Variants in PRKCB observed in about 807,000 individuals in gnomAD.
The protein encoded by PRKCB is protein kinase C beta, also known as protein kinase C beta type.
A neutral mutation model predicts 81.5 loss-of-function variants in PRKCB; 13 were observed. The ratio of observed to expected loss-of-function variants is 0.16; its 90% CI spans 0.10 to 0.25. The LOEUF is 0.25. PRKCB is among the 10% of genes least tolerant of loss of function. The pLI is 1.00. For synonymous variants in PRKCB, 335 were observed against 321.4 expected, an observed-to-expected ratio of 1.04 and a Z score of -0.45; for missense variants, 509 against 875.7, an observed-to-expected ratio of 0.58 and a Z score of 5.29.
chr16:24,214,736 A>G lies in PRKCB; in HGVS notation c.1942A>G (p.Ile648Val). ...CCTAACACCTCCCGACCAGGAAGTC[A>G]TCAGGAATATTGACCAATCAGAATT... is the stretch of plus-strand genomic sequence containing the variant. The part of the protein sequence containing the change: ...PVLTPPDQEV[I>V]RNIDQSEFEG... Residue 648 changes from isoleucine to valine, a missense_variant, in exon 17 of 17, where the codon ATC (isoleucine) becomes GTC (valine). Around this residue, in one of 6 missense-constraint regions of PRKCB, gnomAD observed 104 missense variants for 160.5 expected, o/e 0.65. Transcript: ENST00000643927. The G allele has an allele frequency of 3.1e-6, 5 of 1,614,244 alleles. No individual in the cohort carries two copies. Among genetic ancestry groups the G allele is most frequent in the Non-Finnish European group, 4.2e-6 (5 of 1,180,034 alleles).
intron 8 of PRKCB, among the ~76,000 whole-genome samples, chr16:24,113,948 G>C (rs1966708081): frequency 6.6e-6 from 1 of 151,850 alleles, no homozygotes; most frequent in Admixed American, 6.6e-5. Context: ...CGGGTGCGGT[G>C]GCTCACACCT....
intron 2 of PRKCB, among the ~76,000 whole-genome samples, chr16:23,876,838 A>T (rs1027999985): frequency 6.6e-6 from 1 of 152,202 alleles, no homozygotes; most frequent in African/African-American, 2.4e-5. Context: ...TAACACTGGA[A>T]TTTTCTTTTT....
At chr16:24,189,718 C>T (rs547319700) in intron 15 of PRKCB, among the ~76,000 whole-genome samples, 1 of 150,940 alleles carries the variant, frequency 6.6e-6, no homozygotes, top group South Asian at 2.1e-4. Flanking sequence ...CTGGAGGATA[C>T]ACTTTATATG....
chr16:24,093,031 G>C (rs1966395897), intron 6 of PRKCB, 84 bp downstream of exon 6: 4 of 1,410,150 alleles, frequency 2.8e-6, no homozygotes, highest in Non-Finnish European at 3.8e-6. Context: ...TCCTCCCTTA[G>C]CTCCTGTTTC....
chr16:24,090,344 A>T (rs1567370618), intron 5 of PRKCB, among the ~76,000 whole-genome samples: 1 of 152,216 alleles, frequency 6.6e-6, no homozygotes, highest in Admixed American at 6.5e-5. Context: ...TGCTTCTCCC[A>T]TCTCATTTAT....
chr16:23,845,265 C>A (rs1329100008), intron 2 of PRKCB, among the ~76,000 whole-genome samples: 2 of 152,034 alleles, frequency 1.3e-5, no homozygotes, highest in East Asian at 3.9e-4. Context: ...TATTTAACCT[C>A]ATTTTTATTA....
rs1968258369 is a variant in PRKCB at position 24,218,024 on chromosome 16, TTCATTCCACAAATAA to T, written c.*3210_*3224del. The T allele has an allele frequency of 1.0e-6, 1 of 985,302 alleles. No individual in the cohort carries two copies. The highest frequency in any genetic ancestry group is 6.1e-5 in the Admixed American group (1 of 16,262). 61.0% of individuals were successfully genotyped at this position (985,302 alleles called of 1,614,324 possible). Reference sequence around the variant, plus strand: ...GATAGAGGCATATCCCAAGTCTTCCTTCATTCCACAAATAATTACAAACAACCTACTGTGTGCCAG... The same window carrying T: ...GATAGAGGCATATCCCAAGTCTTCCTTTACAAACAACCTACTGTGTGCCAG... On this transcript the variant is annotated 3_prime_UTR_variant, in exon 17 of 17. Coordinates refer to ENST00000643927, the MANE Select transcript of PRKCB (RefSeq NM_002738.7).
At chr16:24,202,408 C>A (rs1215055966) in intron 16 of PRKCB, among the ~76,000 whole-genome samples, 1 of 152,200 alleles carries the variant, frequency 6.6e-6, no homozygotes, top group Non-Finnish European at 1.5e-5. Flanking sequence ...CATCAATGAC[C>A]TGAAAACTGC....
chr16:24,104,275 CTTA>C (rs1966548532), intron 7 of PRKCB, among the ~76,000 whole-genome samples: 1 of 152,148 alleles, frequency 6.6e-6, no homozygotes, highest in Non-Finnish European at 1.5e-5. Flanking sequence ...CTCTACAAGT[CTTA>C]TTATATTGAC....
rs569466338 is a variant in PRKCB, at chr16:24,219,928, G to A, written c.*5112G>A. On this transcript the variant is annotated 3_prime_UTR_variant, in exon 17 of 17. Coordinates refer to ENST00000643927, the MANE Select transcript of PRKCB (RefSeq NM_002738.7). ...CTTGGTCCTGTGTCTTTCTTCTTAC[G>A]CTGTGTTAATGTGTTTACTTTCCAT... The A allele has an allele frequency of 1.9e-5, 30 of 1,608,348 alleles. No homozygotes were observed. In the East Asian group the frequency reaches 2.5e-4, roughly 13 times the overall value.
intron 2 of PRKCB, among the ~76,000 whole-genome samples, chr16:23,911,459 C>T (rs1963652173): frequency 1.3e-5 from 2 of 152,052 alleles, no homozygotes; most frequent in Non-Finnish European, 2.9e-5. Context: ...TTTCAATTCT[C>T]TTGGGTGTCT....
At chr16:24,122,468 T>TGTTTTTTTTTTTTTTTTTTTTTC (rs1555498212) in intron 8 of PRKCB, among the ~76,000 whole-genome samples, 1 of 138,930 alleles carries the variant, frequency 7.2e-6, no homozygotes, top group African/African-American at 3.3e-5. Flanking sequence ...TTTTTTTTTT[T>TGTTTTTTTTTTTTTTTTTTTTTC]AGTGAGAGAG....
chr16:23,994,707 C>G (rs2141826117), intron 3 of PRKCB, among the ~76,000 whole-genome samples: 1 of 152,356 alleles, frequency 6.6e-6, no homozygotes, highest in East Asian at 1.9e-4. Flanking sequence ...ATTGGTTGAG[C>G]AAATTAATTC....
intron 3 of PRKCB, among the ~76,000 whole-genome samples, chr16:24,015,493 T>C (rs1596512511): frequency 6.6e-6 from 1 of 152,166 alleles, no homozygotes; most frequent in African/African-American, 2.4e-5. Flanking sequence ...AGCCAGCAGG[T>C]GGAGGTGGGG....
chr16:24,154,115 C>T (rs1027747526), intron 9 of PRKCB, among the ~76,000 whole-genome samples: 3 of 152,194 alleles, frequency 2.0e-5, no homozygotes, highest in Non-Finnish European at 2.9e-5. Context: ...GACACATTGC[C>T]TGTTACCTCA....
At chr16:24,087,192 T>C (rs1014023394) in intron 5 of PRKCB, among the ~76,000 whole-genome samples, 2 of 152,226 alleles carry the variant, frequency 1.3e-5, no homozygotes, top group African/African-American at 4.8e-5. Flanking sequence ...ATTGACCCAA[T>C]GCTATTATCT....
intron 10 of PRKCB, among the ~76,000 whole-genome samples, chr16:24,161,988 C>T (rs1596575981): frequency 1.3e-5 from 2 of 152,026 alleles, no homozygotes; most frequent in East Asian, 3.9e-4. Flanking sequence ...TTTAGCAAAA[C>T]ATCTATTTTA....
chr16:23,945,461 G>C (rs961744906), intron 2 of PRKCB, among the ~76,000 whole-genome samples: 1 of 152,186 alleles, frequency 6.6e-6, no homozygotes, highest in African/African-American at 2.4e-5. Flanking sequence ...GCAGGGTGCC[G>C]GCAGCCCTTC....
intron 2 of PRKCB, among the ~76,000 whole-genome samples, chr16:23,897,908 A>G (rs1336512234): frequency 6.6e-6 from 1 of 151,166 alleles, no homozygotes; most frequent in Non-Finnish European, 1.5e-5. Flanking sequence ...TTATTTATTT[A>G]TTTATTTTGC....
Sources: gnomAD v4.1 joint callset for allele counts (sites outside exome capture counted in the v4.1 genomes callset) on GRCh38, gnomAD v4.1.1 for gene constraint, gnomAD v4.1.1 regional missense constraint, MANE v1.5 for transcripts, NCBI Gene and HGNC (gene_info 2026-07-23, HGNC 2026-07-21) for gene names.